The following RGS12 variants were observed in gnomAD, a reference collection of about 807,000 sequenced individuals.
The protein encoded by RGS12 is regulator of G protein signaling 12, also known as regulator of G-protein signaling 12.
A neutral mutation model predicts 120.1 loss-of-function variants in RGS12; 66 were observed. The ratio of observed to expected loss-of-function variants is 0.55; its 90% confidence interval spans 0.45 to 0.67. RGS12 has a LOEUF of 0.67. Among genes scored for constraint, RGS12 ranks in the 30% least tolerant of loss-of-function variants. The pLI is 0.00. For missense variants in RGS12, 1,859 were observed against 1,957.7 expected (o/e 0.95, Z 0.95); for synonymous variants, 827 against 804.7 (o/e 1.03, Z -0.47).
intron 2 of RGS12, among the ~76,000 whole-genome samples, chr4:3,341,064 C>T (rs1713035821): frequency 2.0e-5 from 3 of 151,134 alleles, no homozygotes; most frequent in Admixed American, 6.6e-5. Flanking sequence ...GGTGGCGTCC[C>T]TCCCCGAGCA....
intron 1 of RGS12, among the ~76,000 whole-genome samples, chr4:3,298,391 C>T (rs529191179): frequency 3.3e-5 from 5 of 152,156 alleles, no homozygotes; most frequent in African/African-American, 1.2e-4. Flanking sequence ...CACTCTTTTG[C>T]CCAGGCTGGA....
intron 2 of RGS12, 111 bp downstream of exon 2, chr4:3,318,162 C>A: frequency 1.0e-6 from 1 of 985,222 alleles, no homozygotes; most frequent in Non-Finnish European, 1.5e-6. Flanking sequence ...CTCCTGCTGG[C>A]CCTGTGGCCT....
intron 1 of RGS12, among the ~76,000 whole-genome samples, chr4:3,308,816 G>A (rs956418334): frequency 7.9e-5 from 12 of 152,276 alleles, no homozygotes; most frequent in African/African-American, 2.9e-4. Flanking sequence ...GAGCCGCTCT[G>A]TCAGGATTGT....
At chr4:3,439,422 G>A in intron 17 of RGS12, 33 bp from the exon 18 acceptor site, 2 of 1,611,010 alleles carry the variant, frequency 1.2e-6, no homozygotes, top group Non-Finnish European at 1.7e-6. Context: ...GGCCGGGCCA[G>A]GCAAGTGACA....
At chr4:3,382,365 A>G (rs1408605684) in intron 3 of RGS12, among the ~76,000 whole-genome samples, 1 of 151,816 alleles carries the variant, frequency 6.6e-6, no homozygotes. Context: ...CCTCAGCTCC[A>G]CTCCTGAGCA....
intron 9 of RGS12, 50 bp downstream of exon 9, chr4:3,417,591 C>G: frequency 6.3e-7 from 1 of 1,590,038 alleles, no homozygotes; most frequent in Non-Finnish European, 8.6e-7. Flanking sequence ...GCAGCCGCGT[C>G]CCCGTCCTGG....
At chr4:3,300,277 G>A (rs1170361075) in intron 1 of RGS12, among the ~76,000 whole-genome samples, 1 of 152,194 alleles carries the variant, frequency 6.6e-6, no homozygotes, top group African/African-American at 2.4e-5. Flanking sequence ...TGCTGAGCTG[G>A]AGTGCAGTGA....
At chr4:3,376,868 G>A (rs1373008932) in intron 3 of RGS12, among the ~76,000 whole-genome samples, 1 of 152,192 alleles carries the variant, frequency 6.6e-6, no homozygotes, top group Non-Finnish European at 1.5e-5. Context: ...CCTCCCAGAT[G>A]CACCTTTCCG....
rs778267904 is a variant in RGS12 at position 3,317,818 on chromosome 4, C to T, written c.1648C>T (p.His550Tyr). The change falls in exon 2 of 18, where the codon CAC becomes TAC. Residue 550 changes from histidine (H) to tyrosine (Y), a missense_variant. His to Tyr is a moderately conservative substitution (Grantham distance 83). This residue lies in a region of RGS12 where 967 missense variants were observed against 994.2 expected (regional missense o/e 0.97). Coordinates refer to ENST00000336727, the MANE Select transcript of RGS12 (RefSeq NM_001394154.1). ...CGTGCTCCGGGAGTGGCAGTGCGGA[C>T]ACACCAGCGACCAGGACTCTTACAC... ...VHVLREWQCG[H>Y]TSDQDSYTDS... is the part of the protein sequence containing the mutation. 3 of 1,613,030 alleles carry T rather than the reference C, an allele frequency of 1.9e-6. No individual in the cohort carries two copies. The highest frequency in any genetic ancestry group is 2.7e-5 in the African/African-American group (2 of 74,928).
In RGS12 at chr4:3,398,729, A is replaced by C. The variant is rs540861422; in HGVS notation, c.2020+12292A>C. 3.9e-5 allele frequency among the ~76,000 whole-genome samples: 6 copies of C among 152,094 alleles called. No homozygotes were observed. The East Asian group carries it at 7.7e-4, about 20-fold the overall frequency. ...ACACACCTTTTTCAGAAACCAAGAG[A>C]TCAAGCTGAAAAAAAAAAATAGTAA... On this transcript the variant is annotated intron_variant, in intron 4 of 17. Coordinates refer to ENST00000336727, the MANE Select transcript of RGS12 (RefSeq NM_001394154.1).
intron 12 of RGS12, among the ~76,000 whole-genome samples, chr4:3,423,309 T>C (rs1723240150): frequency 6.6e-6 from 1 of 152,220 alleles, no homozygotes; most frequent in Admixed American, 6.5e-5. Flanking sequence ...AGGACACTGC[T>C]ATCCCTGGAG....
chr4:3,413,218 A>T (rs556888340), intron 4 of RGS12: 1 of 151,706 alleles, frequency 6.6e-6, no homozygotes, highest in Non-Finnish European at 1.5e-5. Context: ...CACTGCTCGC[A>T]TCCAGTGGAC....
At chr4:3,361,180 C>G (rs1048997165) in intron 3 of RGS12, among the ~76,000 whole-genome samples, 1 of 152,240 alleles carries the variant, frequency 6.6e-6, no homozygotes, top group Non-Finnish European at 1.5e-5. Flanking sequence ...CTGTGTCATT[C>G]CAGTTATAGA....
intron 1 of RGS12, among the ~76,000 whole-genome samples, chr4:3,311,750 C>T (rs1724414231): frequency 1.3e-5 from 2 of 152,186 alleles, no homozygotes; most frequent in African/African-American, 2.4e-5. Flanking sequence ...TGGGTCCTAT[C>T]CAAACATATC....
intron 7 of RGS12, among the ~76,000 whole-genome samples, chr4:3,416,515 A>G (rs1560163797): frequency 6.6e-6 from 1 of 152,326 alleles, no homozygotes; most frequent in East Asian, 1.9e-4. Context: ...GTGCCTGTGC[A>G]TGTCGCTGCG....
chr4:3,293,616 G>C (rs1723179974), intron 1 of RGS12, among the ~76,000 whole-genome samples: 1 of 152,252 alleles, frequency 6.6e-6, no homozygotes, highest in African/African-American at 2.4e-5. Context: ...CGATTGTGCA[G>C]TGTAGACAGA....
Position 3,318,031 on chromosome 4 carries a change from A to T in RGS12, c.1861A>T (p.Lys621Ter), listed in dbSNP as rs1724917424. 5.0e-6 allele frequency: 8 copies of T among 1,605,620 alleles called. No individual in the cohort carries two copies. The highest frequency in any genetic ancestry group is 6.8e-6 in the Non-Finnish European group (8 of 1,174,350). ...SIFGPHRNVR[K>*]TKEDKKGSKF... ...TTTTGGTCCCCATCGAAATGTTCGA[A>T]AGACTAAGGAAGATAAAAAGGTAAG... is the stretch of plus-strand genomic sequence containing the variant. The change falls in exon 2 of 18, where the codon AAG becomes TAG. Residue 621 changes from lysine to a stop codon, truncating the protein, a stop_gained. Transcript: ENST00000336727. LOFTEE classifies it high-confidence loss of function.
At chr4:3,373,258 C>T (rs1717232911) in intron 3 of RGS12, among the ~76,000 whole-genome samples, 1 of 152,248 alleles carries the variant, frequency 6.6e-6, no homozygotes, top group South Asian at 2.1e-4. Context: ...CGCGAGTCTA[C>T]CACGGGCGGG....
At chr4:3,396,626 G>A (rs146560336) in intron 4 of RGS12, among the ~76,000 whole-genome samples, 18 of 152,290 alleles carry the variant, frequency 1.2e-4, no homozygotes, top group East Asian at 1.2e-3. Context: ...TGGTCTGTTT[G>A]TCTATCATTG....
Sources: allele counts gnomAD v4.1 joint callset (sites outside exome capture counted in the v4.1 genomes callset), GRCh38; gene constraint gnomAD v4.1.1; regional missense constraint gnomAD v4.1.1; transcripts MANE v1.5; gene names NCBI Gene and HGNC (gene_info 2026-07-23, HGNC 2026-07-21).